Variants in FSHR observed in about 807,000 individuals in gnomAD.
FSHR encodes the protein follicle-stimulating hormone receptor.
Under a neutral mutation model 52.1 loss-of-function variants are expected in FSHR, and 46 were observed. The observed-to-expected ratio is 0.88, with a 90% CI of 0.70 to 1.13. The LOEUF is 1.13. Among genes scored for constraint, FSHR ranks in the 50% most tolerant of loss-of-function variants. The pLI is 0.00. For missense variants in FSHR, 964 were observed against 834.6 expected, an observed-to-expected ratio of 1.16 and a Z score of -1.91; for synonymous variants, 399 against 309.6, an observed-to-expected ratio of 1.29 and a Z score of -3.03.
chr2:49,103,187 G>A (rs143209116), intron 1 of FSHR, among the ~76,000 whole-genome samples: 3 of 152,250 alleles, frequency 2.0e-5, no homozygotes, highest in East Asian at 3.9e-4. Context: ...GAGAAGAAAC[G>A]TCCTAGGTTT....
intron 2 of FSHR, among the ~76,000 whole-genome samples, chr2:49,066,999 C>G (rs139451765): frequency 1.3e-5 from 2 of 152,122 alleles, no homozygotes; most frequent in African/African-American, 4.8e-5. Flanking sequence ...ATCTTCTAAT[C>G]CCTGTGATAG....
intron 1 of FSHR, among the ~76,000 whole-genome samples, chr2:49,094,547 G>A (rs550314561): frequency 6.6e-6 from 1 of 151,894 alleles, no homozygotes; most frequent in African/African-American, 2.4e-5. Flanking sequence ...CTCTATTTTT[G>A]AAGTCTATTT....
intron 1 of FSHR, among the ~76,000 whole-genome samples, chr2:49,086,835 G>A (rs1038883915): frequency 1.3e-5 from 2 of 152,030 alleles, no homozygotes. Flanking sequence ...TGTTGGCCAT[G>A]GTTGGCCAGG....
chr2:49,114,566 A>G (rs1014926494), intron 1 of FSHR, among the ~76,000 whole-genome samples: 1 of 152,206 alleles, frequency 6.6e-6, no homozygotes, highest in Admixed American at 6.5e-5. Flanking sequence ...CTGTTTCTGA[A>G]TCTTAGTTGC....
chr2:49,022,905 C>T (rs1463452966), intron 2 of FSHR, among the ~76,000 whole-genome samples: 1 of 152,154 alleles, frequency 6.6e-6, no homozygotes, highest in Admixed American at 6.5e-5. Context: ...ATGAGAACCA[C>T]CTAGAGATCT....
intron 6 of FSHR, among the ~76,000 whole-genome samples, chr2:48,983,748 G>A (rs1675363850): frequency 1.3e-5 from 2 of 152,188 alleles, no homozygotes; most frequent in South Asian, 4.1e-4. Flanking sequence ...TCTGGGTTAA[G>A]CCAGAAAGGA....
At chr2:49,099,022 A>G (rs555812841) in intron 1 of FSHR, among the ~76,000 whole-genome samples, 152 of 151,818 alleles carry the variant, frequency 1.0e-3, no homozygotes, top group African/African-American at 3.6e-3. Flanking sequence ...TAAGTGTGGA[A>G]GAAAGAAGAA....
intron 1 of FSHR, among the ~76,000 whole-genome samples, chr2:49,137,761 A>G (rs896825341): frequency 2.6e-5 from 4 of 152,168 alleles, no homozygotes; most frequent in African/African-American, 9.6e-5. Context: ...TGCAAGATTG[A>G]AGTTGGATAC....
intron 1 of FSHR, among the ~76,000 whole-genome samples, chr2:49,093,066 G>C (rs1021242510): frequency 2.0e-5 from 3 of 152,180 alleles, no homozygotes; most frequent in African/African-American, 7.2e-5. Flanking sequence ...CTTCAATCTT[G>C]CTAATAAGAT....
chr2:49,151,804 A>C (rs1673073281), intron 1 of FSHR, among the ~76,000 whole-genome samples: 1 of 152,196 alleles, frequency 6.6e-6, no homozygotes, highest in Non-Finnish European at 1.5e-5. Context: ...CCATTTACTT[A>C]GATAACCTTG....
chr2:49,090,959 T>G (rs1670584310), intron 1 of FSHR, among the ~76,000 whole-genome samples: 1 of 152,120 alleles, frequency 6.6e-6, no homozygotes, highest in Non-Finnish European at 1.5e-5. Flanking sequence ...AAAAAATTTT[T>G]TTTCTTGTTT....
rs61743754 is a variant in FSHR at position 48,963,895 on chromosome 2, C to T, written c.926G>A (p.Gly309Asp). Residue 309 changes from glycine (G) to aspartate (D), a missense_variant, in exon 10 of 10, where the codon GGT (glycine) becomes GAT (aspartate). Transcript: ENST00000406846. ...QEVDYMTQARGQRSSLAEDNE... is the reference protein window; with the variant it reads ...QEVDYMTQARDQRSSLAEDNE... ...GTCTTCTGCCAGAGAGGATCTCTGA[C>T]CCCTAGCCTGAGTCATATAATCAAC... 2.9e-5 allele frequency: 46 copies of T among 1,613,920 alleles called. No individual in the cohort carries two copies. The highest frequency in any genetic ancestry group is 3.6e-5 in the Non-Finnish European group (42 of 1,179,860).
chr2:49,095,483 G>A (rs1344577675), intron 1 of FSHR, among the ~76,000 whole-genome samples: 1 of 152,108 alleles, frequency 6.6e-6, no homozygotes, highest in Non-Finnish European at 1.5e-5. Context: ...ACTCGAAATT[G>A]ATTAAAGATC....
Position 49,061,248 on chromosome 2 carries a change from C to T in FSHR, c.224+6971G>A, listed in dbSNP as rs191420731. Among the ~76,000 whole-genome samples the T allele has an allele frequency of 3.9e-5, 6 of 152,216 alleles. No individual in the cohort carries two copies. In the East Asian group the frequency reaches 9.7e-4, roughly 25 times the overall value. On this transcript the variant is annotated intron_variant, in intron 2 of 9. Transcript: ENST00000406846. ...ATAACAGGTATGCAAGACCATAAGCCTGGGACCCTGCCCCCATAGCTGCTG... is the reference window on the plus strand; with the variant it reads ...ATAACAGGTATGCAAGACCATAAGCTTGGGACCCTGCCCCCATAGCTGCTG...
chr2:49,013,824 A>T (rs1391921399), intron 4 of FSHR, among the ~76,000 whole-genome samples: 1 of 152,026 alleles, frequency 6.6e-6, no homozygotes, highest in Non-Finnish European at 1.5e-5. Context: ...CAATGTGATG[A>T]TATTTAAGGG....
At chr2:49,095,953 AAGAC>A (rs1670809203) in intron 1 of FSHR, among the ~76,000 whole-genome samples, 1 of 152,212 alleles carries the variant, frequency 6.6e-6, no homozygotes, top group African/African-American at 2.4e-5. Context: ...TGTAATTAAA[AAGAC>A]AGACAATATT....
intron 1 of FSHR, among the ~76,000 whole-genome samples, chr2:49,111,443 G>C (rs1364017578): frequency 3.3e-5 from 5 of 152,110 alleles, no homozygotes; most frequent in Admixed American, 2.0e-4. Flanking sequence ...AGCTCAGCTG[G>C]TCACTTCATT....
chr2:49,124,414 C>A (rs962771475), intron 1 of FSHR, among the ~76,000 whole-genome samples: 2 of 152,152 alleles, frequency 1.3e-5, no homozygotes, highest in African/African-American at 4.8e-5. Context: ...ATATCCAAAT[C>A]ACAATCTTTA....
intron 1 of FSHR, among the ~76,000 whole-genome samples, chr2:49,131,162 T>A (rs1672248828): frequency 6.6e-6 from 1 of 152,154 alleles, no homozygotes; most frequent in Admixed American, 6.6e-5. Flanking sequence ...ATTTAAAACA[T>A]TTTGGTAATA....
Sources: gnomAD v4.1 joint callset for allele counts (sites outside exome capture counted in the v4.1 genomes callset) on GRCh38, gnomAD v4.1.1 for gene constraint, MANE v1.5 for transcripts, NCBI Gene and HGNC (gene_info 2026-07-23, HGNC 2026-07-21) for gene names.